Variants in CFAP299 observed in about 807,000 individuals in gnomAD.
CFAP299 encodes the protein cilia- and flagella-associated protein 299.
CFAP299 carries 21 observed loss-of-function variants against 27.0 expected under a neutral mutation model. The ratio of observed to expected loss-of-function variants is 0.78; its 90% CI spans 0.55 to 1.12. CFAP299 has a LOEUF of 1.12. Ranked by LOEUF, CFAP299 falls within the 50% of genes most tolerant of loss-of-function variation. The pLI is 0.00. For missense variants in CFAP299, 310 were observed against 276.6 expected (o/e 1.12, Z -0.86); for synonymous variants, 104 against 98.1 (o/e 1.06, Z -0.36).
chr4:80,769,780 C>T (rs115910166), intron 3 of CFAP299, among the ~76,000 whole-genome samples: 4 of 152,292 alleles, frequency 2.6e-5, no homozygotes, highest in African/African-American at 9.6e-5. Flanking sequence ...CTCAACAAGC[C>T]AAAATCAAGG....
At chr4:80,473,500 A>C (rs970700037) in intron 2 of CFAP299, among the ~76,000 whole-genome samples, 3 of 151,964 alleles carry the variant, frequency 2.0e-5, no homozygotes, top group Non-Finnish European at 4.4e-5. Flanking sequence ...CTCCCTCATG[A>C]AGTATGTCTT....
At chr4:80,344,503 T>G (rs1722628797) in intron 1 of CFAP299, among the ~76,000 whole-genome samples, 1 of 151,950 alleles carries the variant, frequency 6.6e-6, no homozygotes. Context: ...GAAGCAACAA[T>G]AAACAGCCTA....
intron 2 of CFAP299, among the ~76,000 whole-genome samples, chr4:80,545,481 T>C (rs898304900): frequency 6.6e-6 from 1 of 152,006 alleles, no homozygotes; most frequent in Non-Finnish European, 1.5e-5. Context: ...TCTCTGTGCT[T>C]ACAAATTCGA....
intron 5 of CFAP299, among the ~76,000 whole-genome samples, chr4:80,946,857 G>A (rs921677023): frequency 6.6e-5 from 10 of 152,128 alleles, no homozygotes; most frequent in African/African-American, 2.4e-4. Context: ...AGCATTTCCA[G>A]AGTCATTTCC....
chr4:80,663,170 A>G (rs575721594), intron 3 of CFAP299, among the ~76,000 whole-genome samples: 1 of 152,098 alleles, frequency 6.6e-6, no homozygotes. Flanking sequence ...GTTCTGGGAT[A>G]CATGTGCAAA....
intron 3 of CFAP299, among the ~76,000 whole-genome samples, chr4:80,834,370 C>A (rs372757149): frequency 2.8e-4 from 43 of 152,250 alleles, no homozygotes; most frequent in African/African-American, 8.2e-4. Context: ...TAGCTTGAAT[C>A]CATAAAGCTC....
At chr4:80,743,002 A>G (rs1340451312) in intron 3 of CFAP299, among the ~76,000 whole-genome samples, 2 of 152,196 alleles carry the variant, frequency 1.3e-5, no homozygotes, top group Non-Finnish European at 2.9e-5. Context: ...AGGACTGTGT[A>G]TGCAAAAAAA....
At chr4:80,932,945 G>T (rs926879104) in intron 4 of CFAP299, among the ~76,000 whole-genome samples, 1 of 151,870 alleles carries the variant, frequency 6.6e-6, no homozygotes. Flanking sequence ...AAAGACAATA[G>T]TGTTTAATAC....
rs944036303 is a variant in CFAP299, at chr4:80,756,599, C to T, written c.334-113394C>T. ...ACAAAAGAATAACAATATTTTATGA[C>T]ACATACAAAATGACATTTAAATTTC... On this transcript the variant is annotated intron_variant, in intron 3 of 5. Transcript: ENST00000358105. 7.2e-5 allele frequency among the ~76,000 whole-genome samples: 11 copies of T among 152,034 alleles called. No homozygotes were observed. The South Asian group carries it at 2.3e-3, about 32-fold the overall frequency.
At position 80,578,953 on chromosome 4, in the gene CFAP299, C is replaced by T. The variant is rs536167494; in HGVS notation, c.243-4140C>T. 5.3e-5 allele frequency among the ~76,000 whole-genome samples: 8 copies of T among 152,238 alleles called. No individual in the cohort carries two copies. The East Asian group carries it at 1.3e-3, about 26-fold the overall frequency. On this transcript the variant is annotated intron_variant, in intron 2 of 5. Transcript: ENST00000358105. ...ATTCCAATTTGATCACCAAGCCAAT[C>T]GCACAAGAGCATCTTTTTCCAGAAA...
intron 2 of CFAP299, chr4:80,388,392 C>T (rs1725138256): frequency 2.0e-5 from 14 of 696,822 alleles, no homozygotes; most frequent in Non-Finnish European, 2.6e-5. Flanking sequence ...GGAGGCGAGG[C>T]CTGCTGGACC....
intron 3 of CFAP299, among the ~76,000 whole-genome samples, chr4:80,789,631 G>T (rs943597467): frequency 6.6e-6 from 1 of 151,956 alleles, no homozygotes; most frequent in Non-Finnish European, 1.5e-5. Context: ...ATTTTGACAC[G>T]TATTTATTCT....
intron 4 of CFAP299, among the ~76,000 whole-genome samples, chr4:80,905,070 CAT>C (rs1227599416): frequency 6.6e-6 from 1 of 152,060 alleles, no homozygotes; most frequent in Non-Finnish European, 1.5e-5. Flanking sequence ...GTAATAAAAA[CAT>C]AATTCAAATT....
intron 4 of CFAP299, among the ~76,000 whole-genome samples, chr4:80,884,739 A>T (rs1213687433): frequency 6.6e-6 from 1 of 151,858 alleles, no homozygotes; most frequent in Non-Finnish European, 1.5e-5. Context: ...ACATTCCTTT[A>T]GCTAGACCAA....
chr4:80,917,388 A>G (rs1735819235), intron 4 of CFAP299, among the ~76,000 whole-genome samples: 2 of 152,180 alleles, frequency 1.3e-5, no homozygotes, highest in Non-Finnish European at 2.9e-5. Context: ...TTACATTACT[A>G]AAAGGAAAAC....
chr4:80,751,314 T>G (rs1392666864), intron 3 of CFAP299, among the ~76,000 whole-genome samples: 1 of 152,166 alleles, frequency 6.6e-6, no homozygotes, highest in East Asian at 1.9e-4. Flanking sequence ...ATCAGAGACC[T>G]GCTTAAAGAA....
At chr4:80,440,513 A>G (rs1320846990) in intron 2 of CFAP299, among the ~76,000 whole-genome samples, 6 of 152,194 alleles carry the variant, frequency 3.9e-5, no homozygotes, top group Admixed American at 3.9e-4. Context: ...CATCAACATC[A>G]ACAAAAAGGA....
intron 3 of CFAP299, among the ~76,000 whole-genome samples, chr4:80,645,137 C>G (rs1483702398): frequency 1.3e-5 from 2 of 152,080 alleles, no homozygotes; most frequent in Non-Finnish European, 2.9e-5. Flanking sequence ...AACTCCTGGT[C>G]TTTCCCACCA....
intron 1 of CFAP299, among the ~76,000 whole-genome samples, chr4:80,343,619 C>A (rs1049472304): frequency 6.6e-6 from 1 of 151,734 alleles, no homozygotes; most frequent in Non-Finnish European, 1.5e-5. Context: ...GAAACCCCGT[C>A]TCTACTAAAA....
Sources: allele counts gnomAD v4.1 joint callset (sites outside exome capture counted in the v4.1 genomes callset), GRCh38; gene constraint gnomAD v4.1.1; transcripts MANE v1.5; gene names NCBI Gene and HGNC (gene_info 2026-07-23, HGNC 2026-07-21).